BAHCC1: variants seen among roughly 807,000 people sequenced by gnomAD.
BAHCC1 encodes BAH domain and coiled-coil containing 1.
In BAHCC1, 43 loss-of-function variants were observed where a neutral mutation model predicts 88.2. The observed-to-expected ratio is 0.49, with a 90% CI of 0.38 to 0.63. BAHCC1 has a LOEUF of 0.63. BAHCC1 is among the 20% of genes least tolerant of loss of function. The probability of loss-of-function intolerance (pLI) is 0.00; values close to 1 mark genes in which losing one functional copy is unlikely to be tolerated. For missense variants in BAHCC1, 3,023 were observed against 1,654.8 expected, an observed-to-expected ratio of 1.83 and a Z score of -14.34; for synonymous variants, 1,510 against 745.5, an observed-to-expected ratio of 2.03 and a Z score of -16.71.
At chr17:81,446,740 G>C in intron 10 of BAHCC1, 4 of 562,784 alleles carry the variant, frequency 7.1e-6, no homozygotes, top group South Asian at 6.2e-5. Flanking sequence ...TTTTGTAGTG[G>C]CACGTGCTCA....
At position 81,465,533 on chromosome 17, in the gene BAHCC1, C is replaced by T. The variant is rs2143688835; in HGVS notation, c.*1716C>T. 1 of 152,460 alleles carries T rather than the reference C, an allele frequency of 6.6e-6. No homozygotes were observed. Among genetic ancestry groups the T allele is most frequent in the African/African-American group, 2.4e-5 (1 of 41,582 alleles). The allele number at this position is 152,460 out of a possible 1,614,324, so 9.4% of individuals were successfully genotyped here. On this transcript the variant is annotated 3_prime_UTR_variant, in exon 28 of 28. Coordinates refer to ENST00000675386, the MANE Select transcript of BAHCC1 (RefSeq NM_001377448.1). ...CTTATATCCTCCCACACTAAGGTTCCCCTGGCCCCACGGGAGCTTCAGGAA... is the reference window on the plus strand; with the variant it reads ...CTTATATCCTCCCACACTAAGGTTCTCCTGGCCCCACGGGAGCTTCAGGAA...
rs1555654171 is a variant in BAHCC1 at position 81,445,689 on chromosome 17, T to G, written c.3163+8T>G. ...TCATCACATCCGAACCAGGTGAGAG[T>G]AGCCGCCTGGCCCGGCCCACTGTGC... On this transcript the variant is annotated splice_region_variant and intron_variant, in intron 10 of 27. Coordinates refer to ENST00000675386, the MANE Select transcript of BAHCC1 (RefSeq NM_001377448.1). 1 of 722,842 alleles carries G rather than the reference T, an allele frequency of 1.4e-6. No homozygotes were observed. Among genetic ancestry groups the G allele is most frequent in the East Asian group, 2.7e-5 (1 of 37,640 alleles). 44.8% of individuals were successfully genotyped at this position (722,842 alleles called of 1,614,324 possible).
Position 81,443,484 on chromosome 17 carries a change from A to G in BAHCC1, c.2135A>G (p.Gln712Arg), listed in dbSNP as rs1166985686. The G allele has an allele frequency of 4.2e-6, 3 of 716,482 alleles. No individual in the cohort carries two copies. In the African/African-American group the frequency reaches 5.2e-5, roughly 12 times the overall value. 44.4% of individuals were successfully genotyped at this position (716,482 alleles called of 1,614,324 possible). Reference sequence around the variant, plus strand: ...GGCATTGCAGTGGCCTTGGCCCGGCAGAAGGACACAGTGAGCCGGTCTGAG... The same window carrying G: ...GGCATTGCAGTGGCCTTGGCCCGGCGGAAGGACACAGTGAGCCGGTCTGAG... The part of the protein sequence containing the change: ...PVGIAVALAR[Q>R]KDTVSRSEAA... The change falls in exon 5 of 28, where the codon CAG (glutamine) becomes CGG (arginine). Residue 712 changes from glutamine (Q) to arginine (R), a missense_variant. Gln to Arg is a conservative substitution (Grantham distance 43). Transcript: ENST00000675386.
At chr17:81,459,755 G>A (rs2030077165) in intron 23 of BAHCC1, among the ~76,000 whole-genome samples, 151 bp downstream of exon 23, 2 of 139,182 alleles carry the variant, frequency 1.4e-5, no homozygotes, top group Admixed American at 1.4e-4. Flanking sequence ...CTCCCCAGGC[G>A]CCATGAAAAA....
Position 81,399,665 on chromosome 17 carries a change from C to A in BAHCC1, c.-75C>A, listed in dbSNP as rs1483666872. 1.2e-5 allele frequency: 11 copies of A among 933,274 alleles called. No individual in the cohort carries two copies. The highest frequency in any genetic ancestry group is 1.3e-5 in the Non-Finnish European group (10 of 781,864). 57.8% of individuals were successfully genotyped at this position (933,274 alleles called of 1,614,324 possible). On this transcript the variant is annotated 5_prime_UTR_variant, in exon 2 of 28. Transcript: ENST00000675386. This position sits in a 1 kb window ranked among gnomAD's most constrained non-coding sequence, Gnocchi z 4.5. ...CGGACGCCGCCGCCTCTGCGCCGCC[C>A]GCGCGCCGAGCCGCCCCCGGGCCCC...
At chr17:81,444,965 G>A (rs782609093) in intron 8 of BAHCC1, 50 bp from the exon 9 acceptor site, 4 of 698,282 alleles carry the variant, frequency 5.7e-6, no homozygotes, top group Non-Finnish European at 5.3e-6. Context: ...AGCAGCCCCG[G>A]AGCTGTCCCC....
Position 81,426,837 on chromosome 17 carries a change from G to A in BAHCC1, c.216G>A (p.Ser72=), listed in dbSNP as rs980647691. The change falls in exon 3 of 28, where the codon TCG becomes TCA. Residue 72 remains serine (S), a synonymous_variant. Coordinates refer to ENST00000675386, the MANE Select transcript of BAHCC1 (RefSeq NM_001377448.1). The stretch of plus-strand genomic sequence containing the variant: ...TGATGGGAAGTTCTCCGGCCTCCTC[G>A]TTCATGGGCAGTTTCCTCACCAGCA... ...SRLMGSSPAS[S]FMGSFLTSSL... 3.5e-5 allele frequency: 14 copies of A among 399,244 alleles called. No homozygotes were observed. Among genetic ancestry groups the A allele is most frequent in the Admixed American group, 1.3e-4 (3 of 22,736 alleles). The allele number at this position is 399,244 out of a possible 1,614,324, so 24.7% of individuals were successfully genotyped here.
rs2064310203 is a variant in BAHCC1 at position 81,434,542 on chromosome 17, AGC to A, written c.359-3827_359-3826del. 1.3e-5 allele frequency among the ~76,000 whole-genome samples: 2 copies of A among 152,058 alleles called. No homozygotes were observed. The highest frequency in any genetic ancestry group is 2.9e-5 in the Non-Finnish European group (2 of 68,002). On this transcript the variant is annotated intron_variant, in intron 3 of 27. Transcript: ENST00000675386. This position sits in a 1 kb window ranked among gnomAD's most constrained non-coding sequence, Gnocchi z 4.9. ...CTGAGCCTGCAGCATCCTGGCCCTG[AGC>A]TCTGTGGCCCCAAGTGGGGCTTCCT...
Position 81,399,794 on chromosome 17 carries a change from C to T in BAHCC1, c.55C>T (p.Leu19=). 1 of 1,267,360 alleles carries T rather than the reference C, an allele frequency of 7.9e-7. No homozygotes were observed. The highest frequency in any genetic ancestry group is 9.9e-7 in the Non-Finnish European group (1 of 1,008,436). 78.5% of individuals were successfully genotyped at this position (1,267,360 alleles called of 1,614,324 possible). A position where few individuals can be genotyped will look rare whatever the true frequency, so the allele number is the denominator to read the frequency against. Residue 19 remains leucine, a synonymous_variant, in exon 2 of 28, where the codon CTG becomes TTG. Transcript: ENST00000675386. The surrounding 1 kb of genome is among the most constrained non-coding windows in gnomAD (Gnocchi z 4.5). Reference sequence around the variant, plus strand: ...GCATCTGCTGTCGGAGCGCGGGAGCCTGGGCCACCGCAGCGCCGCTGCCGC... The same window carrying T: ...GCATCTGCTGTCGGAGCGCGGGAGCTTGGGCCACCGCAGCGCCGCTGCCGC... ...PPHLLSERGS[L]GHRSAAAAAR...
rs561748554 is a variant in BAHCC1 at position 81,444,796 on chromosome 17, C to T, written c.2641C>T (p.Pro881Ser). Reference sequence around the variant, plus strand: ...ACAGCTGGTCATCCTGCCCTCAGAGCCCACACCCCACAGCGCCCCCCACGC... The same window carrying T: ...ACAGCTGGTCATCCTGCCCTCAGAGTCCACACCCCACAGCGCCCCCCACGC... Reference protein sequence around the residue: ...PTQLVILPSEPTPHSAPHALA... With the variant: ...PTQLVILPSESTPHSAPHALA... Residue 881 changes from proline (P) to serine (S), a missense_variant, in exon 8 of 28, where the codon CCC becomes TCC. Pro to Ser is a moderately conservative substitution (Grantham distance 74). Coordinates refer to ENST00000675386, the MANE Select transcript of BAHCC1 (RefSeq NM_001377448.1). 1 of 778,236 alleles carries T rather than the reference C, an allele frequency of 1.3e-6. No individual in the cohort carries two copies. The highest frequency in any genetic ancestry group is 1.7e-5 in the Admixed American group (1 of 58,858). The allele number at this position is 778,236 out of a possible 1,614,324, so 48.2% of individuals were successfully genotyped here.
chr17:81,402,760 T>C (rs1169149961), intron 2 of BAHCC1: 2 of 152,302 alleles, frequency 1.3e-5, no homozygotes, highest in South Asian at 2.1e-4. Context: ...CTGTTCCTGC[T>C]GGCTGCCGGG....
chr17:81,462,698 C>T (rs1471442), intron 26 of BAHCC1, 42 bp from the exon 27 acceptor site: 23 of 717,042 alleles, frequency 3.2e-5, no homozygotes, highest in Non-Finnish European at 5.4e-5. Context: ...GTCCCCACAG[C>T]CCCCCGGCCT....
chr17:81,409,005 C>G (rs1555647316), intron 2 of BAHCC1, among the ~76,000 whole-genome samples: 1 of 152,214 alleles, frequency 6.6e-6, no homozygotes, highest in Non-Finnish European at 1.5e-5. Flanking sequence ...TGCTTTTCCC[C>G]TAGGATTTCA....
chr17:81,413,682 C>T (rs1397100503), intron 2 of BAHCC1, among the ~76,000 whole-genome samples: 4 of 152,230 alleles, frequency 2.6e-5, no homozygotes, highest in African/African-American at 4.8e-5. Context: ...AGGGCCCATG[C>T]GGGAGGCAGC....
rs535540260 is a variant in BAHCC1, at chr17:81,445,823, CCT to C, written c.3163+149_3163+150del. 1.2e-3 allele frequency: 745 copies of C among 603,472 alleles called. 12 individuals carry two copies. In the South Asian group the frequency reaches 0.014, roughly 11 times the overall value. The allele number at this position is 603,472 out of a possible 1,614,324, so 37.4% of individuals were successfully genotyped here. A position where few individuals can be genotyped will look rare whatever the true frequency, so the allele number is the denominator to read the frequency against. On this transcript the variant is annotated intron_variant, in intron 10 of 27. Transcript: ENST00000675386. Reference sequence around the variant, plus strand: ...CCCAGGGCAGCATGGCTGTTCCCTTCCTCTCTCTTCCCTCTTCCCAGTCCTCC... The same window carrying C: ...CCCAGGGCAGCATGGCTGTTCCCTTCCTCTCTTCCCTCTTCCCAGTCCTCC...
Position 81,444,652 on chromosome 17 carries a change from G to T in BAHCC1, c.2513-16G>T. Reference sequence around the variant, plus strand: ...CGAGAGTGCGAGGCCTGACCACTGTGCCCTCTGCCTCCCAGGCCTGGGGCA... The same window carrying T: ...CGAGAGTGCGAGGCCTGACCACTGTTCCCTCTGCCTCCCAGGCCTGGGGCA... On this transcript the variant is annotated splice_polypyrimidine_tract_variant and intron_variant, in intron 7 of 27. Coordinates refer to ENST00000675386, the MANE Select transcript of BAHCC1 (RefSeq NM_001377448.1). The T allele has an allele frequency of 1.3e-6, 1 of 769,514 alleles. No individual in the cohort carries two copies. The allele number at this position is 769,514 out of a possible 1,614,324, so 47.7% of individuals were successfully genotyped here.
At chr17:81,460,467 G>T (rs554160197) in intron 24 of BAHCC1, 63 bp from the exon 25 acceptor site, 1 of 725,680 alleles carries the variant, frequency 1.4e-6, no homozygotes, top group East Asian at 2.6e-5. Context: ...TCCCAAGGAA[G>T]GGTTGGGGTG....
In BAHCC1 at chr17:81,445,160, G is replaced by C; in HGVS notation, c.2817G>C (p.Gln939His). 1.3e-6 allele frequency: 1 copy of C among 771,488 alleles called. No individual in the cohort carries two copies. The highest frequency in any genetic ancestry group is 2.4e-6 in the Non-Finnish European group (1 of 414,884). The allele number at this position is 771,488 out of a possible 1,614,324, so 47.8% of individuals were successfully genotyped here. A position where few individuals can be genotyped will look rare whatever the true frequency, so the allele number is the denominator to read the frequency against. Residue 939 changes from glutamine to histidine, a missense_variant, in exon 9 of 28, where the codon CAG becomes CAC. Physicochemically the swap from Gln to His is conservative, Grantham distance 24. Transcript: ENST00000675386. ...AGGAGCTCTATGCTTTGCAGCAGCA[G>C]AGGGCCGCCCAGTTCCAGGTACCGC... ...RQQELYALQQ[Q>H]RAAQFQRKPE...
intron 2 of BAHCC1, among the ~76,000 whole-genome samples, chr17:81,416,326 CCATGAGGATGGGT>C (rs2064024231): frequency 9.9e-6 from 1 of 100,636 alleles, no homozygotes; most frequent in Non-Finnish European, 1.9e-5. Context: ...GCGTGTGTGT[CCATGAGGATGGGT>C]GTGTGTGTGT....
Sources: gnomAD v4.1 joint callset for allele counts (sites outside exome capture counted in the v4.1 genomes callset) on GRCh38, gnomAD v4.1.1 for gene constraint, Gnocchi (gnomAD v3.1) non-coding constraint, MANE v1.5 for transcripts, NCBI Gene and HGNC (gene_info 2026-07-23, HGNC 2026-07-21) for gene names.